Variants in F8 observed in about 807,000 individuals in gnomAD.
F8 encodes antihemophilic factor.
A neutral mutation model predicts 140.6 loss-of-function variants in F8; 12 were observed. That is an observed-to-expected ratio of 0.09 (90% CI 0.05 to 0.14). The LOEUF (loss-of-function observed/expected upper bound fraction) is 0.14. Ranked by LOEUF, F8 falls within the 10% of genes least tolerant of loss-of-function variation. The pLI is 1.00. For missense variants in F8, 1,354 were observed against 1,720.7 expected (o/e 0.79, Z 3.77); for synonymous variants, 585 against 614.6 (o/e 0.95, Z 0.71).
At chrX:154,986,366 C>T (rs1305057059) in intron 5 of F8, among the ~76,000 whole-genome samples, 2 of 111,901 alleles carry the variant, frequency 1.8e-5, no homozygotes, top group Non-Finnish European at 3.8e-5. Context: ...TCACAGCTCA[C>T]TGCAACCTTC....
At chrX:154,975,027 G>T (rs971212816) in intron 6 of F8, among the ~76,000 whole-genome samples, 1 of 110,995 alleles carries the variant, frequency 9.0e-6, no homozygotes, top group Non-Finnish European at 1.9e-5. Context: ...TCTTTTCAAA[G>T]AACTAACTAA....
In F8 at chrX:154,930,874, C is replaced by T; in HGVS notation, c.2916G>A (p.Met972Ile). ...NDSKLLESGL[M>I]NSQESSWGKN... is the part of the protein sequence containing the mutation. ...TTCCCCATGAACTTTCTTGGCTATT[C>T]ATTAAACCTGATTCTAACAACTTTG... The change falls in exon 14 of 26, where the codon ATG (methionine) becomes ATA (isoleucine). Residue 972 changes from methionine (M) to isoleucine (I), a missense_variant. Around this residue, in one of 4 missense-constraint regions of F8, gnomAD observed 658 missense variants for 666.5 expected, o/e 0.99. Transcript: ENST00000360256. 1 of 1,204,355 alleles carries T rather than the reference C, an allele frequency of 8.3e-7. No homozygotes were observed. Among genetic ancestry groups the T allele is most frequent in the Non-Finnish European group, 1.1e-6 (1 of 892,508 alleles).
intron 22 of F8, among the ~76,000 whole-genome samples, chrX:154,877,345 A>G (rs1420228148): frequency 8.9e-6 from 1 of 111,930 alleles, no homozygotes; most frequent in Non-Finnish European, 1.9e-5. Flanking sequence ...AGAGAGAGGC[A>G]GAAGAGGAGA....
At chrX:154,971,025 C>A (rs1253668490) in intron 6 of F8, among the ~76,000 whole-genome samples, 1 of 111,106 alleles carries the variant, frequency 9.0e-6, no homozygotes, top group Non-Finnish European at 1.9e-5. Context: ...GAGAAAACAT[C>A]CCCCTCATAC....
intron 15 of F8, among the ~76,000 whole-genome samples, chrX:154,906,101 TA>T (rs2073036586): frequency 8.9e-6 from 1 of 111,894 alleles, no homozygotes; most frequent in Non-Finnish European, 1.9e-5. Flanking sequence ...AATAAATGGT[TA>T]CATAAACTAT....
At chrX:154,952,417 T>C (rs1557280802) in intron 12 of F8, among the ~76,000 whole-genome samples, 1 of 112,082 alleles carries the variant, frequency 8.9e-6, no homozygotes, top group African/African-American at 3.2e-5. Context: ...AATATGAGGC[T>C]CAACCCAAAG....
chrX:154,997,562 G>A (rs1470094328), intron 2 of F8, among the ~76,000 whole-genome samples: 1 of 111,958 alleles, frequency 8.9e-6, no homozygotes. Flanking sequence ...TCTGACTAAT[G>A]AAAAAGAAGC....
rs781795044 is a variant in F8, at chrX:154,969,335, T to A, written c.1005A>T (p.Gln335His). ...TTTAAAGATCCAAGATATTACCATG[T>A]TGGTGGGAAGAGATATGACAAAACA... Reference protein sequence around the residue: ...FLLFCHISSHQHDGMEAYVKV... With the variant: ...FLLFCHISSHHHDGMEAYVKV... Residue 335 changes from glutamine to histidine, a missense_variant, in exon 7 of 26, where the codon CAA (glutamine) becomes CAT (histidine). By Grantham distance (24) the Gln-to-His change is conservative (BLOSUM62 0). Transcript: ENST00000360256. The A allele has an allele frequency of 1.7e-6, 2 of 1,200,722 alleles. No homozygotes were observed. The highest frequency in any genetic ancestry group is 3.5e-5 in the African/African-American group (2 of 57,068).
At chrX:154,987,481 T>A (rs1038571423) in intron 4 of F8, among the ~76,000 whole-genome samples, 176 bp from the exon 5 acceptor site, 1 of 112,495 alleles carries the variant, frequency 8.9e-6, no homozygotes, top group Non-Finnish European at 1.9e-5. Context: ...TCTAAAACTA[T>A]CTGGAGCAAA....
In F8 at chrX:154,969,325, T is replaced by C. The variant is rs1557282324; in HGVS notation, c.1009+6A>G. The C allele has an allele frequency of 3.3e-6, 4 of 1,194,585 alleles. No homozygotes were observed. The highest frequency in any genetic ancestry group is 4.5e-6 in the Non-Finnish European group (4 of 879,879). ...TAATATTCATTTTAAAGATCCAAGA[T>C]ATTACCATGTTGGTGGGAAGAGATA... On this transcript the variant is annotated splice_donor_region_variant and intron_variant, in intron 7 of 25. Coordinates refer to ENST00000360256, the MANE Select transcript of F8 (RefSeq NM_000132.4).
At chrX:154,857,511 G>A (rs1288583889) in intron 25 of F8, among the ~76,000 whole-genome samples, 1 of 111,725 alleles carries the variant, frequency 9.0e-6, no homozygotes, top group African/African-American at 3.3e-5. Context: ...GGTTCTGCAC[G>A]ATATGCAGGT....
chrX:154,931,809 T>A, intron 13 of F8, 133 bp from the exon 14 acceptor site: 1 of 553,320 alleles, frequency 1.8e-6, no homozygotes, highest in Non-Finnish European at 2.9e-6. Context: ...GTCATTGGGT[T>A]AAATCCCTGG....
At chrX:154,976,545 G>A (rs1300275418) in intron 6 of F8, among the ~76,000 whole-genome samples, 1 of 110,029 alleles carries the variant, frequency 9.1e-6, no homozygotes, top group Non-Finnish European at 1.9e-5. Flanking sequence ...TCTAGCATTA[G>A]GTATATCTCC....
chrX:154,860,180 G>T (rs1166515426), intron 25 of F8, among the ~76,000 whole-genome samples: 1 of 111,526 alleles, frequency 9.0e-6, no homozygotes, highest in Non-Finnish European at 1.9e-5. Flanking sequence ...GGTCAAAAAG[G>T]CTTGGGAATC....
At chrX:154,981,774 A>G (rs2073523353) in intron 6 of F8, among the ~76,000 whole-genome samples, 1 of 112,159 alleles carries the variant, frequency 8.9e-6, no homozygotes, top group South Asian at 3.7e-4. Flanking sequence ...GTTTTTTTTC[A>G]ATAAATATAG....
intron 13 of F8, among the ~76,000 whole-genome samples, chrX:154,945,172 T>A (rs1477456122): frequency 1.7e-4 from 18 of 107,599 alleles, no homozygotes; most frequent in Admixed American, 9.9e-5. Context: ...TGTATAATAA[T>A]AAAAAAAAAG....
chrX:154,847,140 T>C (rs2072573702), intron 25 of F8, among the ~76,000 whole-genome samples: 1 of 112,510 alleles, frequency 8.9e-6, no homozygotes, highest in Non-Finnish European at 1.9e-5. Context: ...GTAGAGTTTC[T>C]GCCAAGAGAT....
chrX:155,016,366 A>G (rs1295762945), intron 1 of F8, among the ~76,000 whole-genome samples: 5 of 112,107 alleles, frequency 4.5e-5, no homozygotes, highest in Non-Finnish European at 9.4e-5. Flanking sequence ...ACGTTCAAGA[A>G]ATCTGTCTGG....
At chrX:154,971,144 T>C (rs2073454444) in intron 6 of F8, among the ~76,000 whole-genome samples, 1 of 111,242 alleles carries the variant, frequency 9.0e-6, no homozygotes, top group Non-Finnish European at 1.9e-5. Context: ...TATATGAAAA[T>C]GTCTTTTTTC....
Sources: gnomAD v4.1 joint callset for allele counts (sites outside exome capture counted in the v4.1 genomes callset) on GRCh38, gnomAD v4.1.1 for gene constraint, gnomAD v4.1.1 regional missense constraint, MANE v1.5 for transcripts, NCBI Gene and HGNC (gene_info 2026-07-23, HGNC 2026-07-21) for gene names.